ELF2: variants seen among roughly 807,000 people sequenced by gnomAD.
ELF2 encodes the protein E74 like ETS transcription factor 2.
A neutral mutation model predicts 54.8 loss-of-function variants in ELF2; 11 were observed. That is an observed-to-expected ratio of 0.20 (90% CI 0.13 to 0.33). The LOEUF (loss-of-function observed/expected upper bound fraction) is 0.33, where lower values mean the gene tolerates loss of function less well. ELF2 is among the 10% of genes least tolerant of loss of function. The pLI, the probability that ELF2 is intolerant of heterozygous loss-of-function variation, is 1.00. For missense variants in ELF2, 513 were observed against 703.0 expected (o/e 0.73, Z 3.06); for synonymous variants, 203 against 245.1 (o/e 0.83, Z 1.61).
chr4:139,129,191 G>T (rs1304346652), intron 3 of ELF2, among the ~76,000 whole-genome samples: 2 of 152,154 alleles, frequency 1.3e-5, no homozygotes, highest in Non-Finnish European at 2.9e-5. Flanking sequence ...GCCCGCCTCA[G>T]CCTCCCAAAG....
At chr4:139,165,875 A>G (rs1217035092) in intron 1 of ELF2, among the ~76,000 whole-genome samples, 2 of 152,206 alleles carry the variant, frequency 1.3e-5, no homozygotes, top group Non-Finnish European at 2.9e-5. Flanking sequence ...GAATATTCCA[A>G]AAGTATATAA....
chr4:139,097,162 C>A (rs1324240905), intron 4 of ELF2, among the ~76,000 whole-genome samples: 1 of 152,024 alleles, frequency 6.6e-6, no homozygotes, highest in Non-Finnish European at 1.5e-5. Flanking sequence ...AAGCGAAATT[C>A]CAAGTTTTTG....
In ELF2 at chr4:139,097,194, C is replaced by G. The variant is rs115443214; in HGVS notation, c.239-23627G>C. Among the ~76,000 whole-genome samples the G allele has an allele frequency of 6.1e-3, 925 of 152,142 alleles. 12 individuals are homozygous for G. The highest frequency in any genetic ancestry group is 0.021 in the African/African-American group (890 of 41,496). On this transcript the variant is annotated intron_variant, in intron 4 of 9. Coordinates refer to ENST00000686138, the MANE Select transcript of ELF2 (RefSeq NM_001331036.3). Reference sequence around the variant, plus strand: ...TTTGGTTTTTTTGTTTGTTTGTAGCCTCTGTCGCAGAGGCTGGAGAGTACA... The same window carrying G: ...TTTGGTTTTTTTGTTTGTTTGTAGCGTCTGTCGCAGAGGCTGGAGAGTACA...
chr4:139,151,032 A>AAAGAAAGAAAGAAAG (rs1553971301), intron 1 of ELF2, among the ~76,000 whole-genome samples: 27 of 102,522 alleles, frequency 2.6e-4, no homozygotes, highest in African/African-American at 6.6e-4. Flanking sequence ...TCAAAAAAAA[A>AAAGAAAGAAAGAAAG]AAAGAAAGAA....
rs1432244856 is a variant in ELF2, at chr4:139,125,054, C to T, written c.238+110G>A. The stretch of plus-strand genomic sequence containing the variant: ...ATGTTTCACTGGTTTCCAAGCTATA[C>T]TAAATAGCATTAAAAAGGTTTTTCA... On this transcript the variant is annotated intron_variant, in intron 4 of 9. Coordinates refer to ENST00000686138, the MANE Select transcript of ELF2 (RefSeq NM_001331036.3). 6 of 1,337,350 alleles carry T rather than the reference C, an allele frequency of 4.5e-6. No individual in the cohort carries two copies. The East Asian group carries it at 1.2e-4, about 26-fold the overall frequency. 82.8% of individuals were successfully genotyped at this position (1,337,350 alleles called of 1,614,324 possible).
At chr4:139,122,616 C>T (rs1344150959) in intron 4 of ELF2, among the ~76,000 whole-genome samples, 1 of 152,010 alleles carries the variant, frequency 6.6e-6, no homozygotes, top group Non-Finnish European at 1.5e-5. Context: ...AGTCTCCTGC[C>T]TCAGCCTCCC....
intron 4 of ELF2, among the ~76,000 whole-genome samples, chr4:139,083,165 G>A (rs1731386413): frequency 1.4e-5 from 2 of 147,630 alleles, no homozygotes; most frequent in South Asian, 2.3e-4. Flanking sequence ...AGGCGCTTCC[G>A]CTGTGGTGGG....
At position 139,114,642 on chromosome 4, in the gene ELF2, C is replaced by CTTTCT. The variant is rs1553963916; in HGVS notation, c.238+10521_238+10522insAGAAA. Reference sequence around the variant, plus strand: ...ACTGACATGGATTTTTTTTTTCTTTCTTTTTTTTTTTTTTTTTTGCACCAA... The same window carrying CTTTCT: ...ACTGACATGGATTTTTTTTTTCTTTCTTTCTTTTTTTTTTTTTTTTTTTGCACCAA... On this transcript the variant is annotated intron_variant, in intron 4 of 9. Transcript: ENST00000686138. 1.7e-3 allele frequency among the ~76,000 whole-genome samples: 183 copies of CTTTCT among 104,846 alleles called. 3 individuals are homozygous for CTTTCT. Among genetic ancestry groups the CTTTCT allele is most frequent in the African/African-American group, 6.1e-3 (166 of 27,100 alleles). 68.8% of individuals were successfully genotyped at this position (104,846 alleles called of 152,430 possible).
chr4:139,133,204 A>G (rs1415054971), intron 3 of ELF2, among the ~76,000 whole-genome samples: 2 of 152,160 alleles, frequency 1.3e-5, no homozygotes, highest in Non-Finnish European at 2.9e-5. Flanking sequence ...TACAGGCGTG[A>G]GCCACCACGC....
chr4:139,068,115 G>A (rs11737071), intron 6 of ELF2, among the ~76,000 whole-genome samples: 62,532 of 151,736 alleles, frequency 0.41, 13,376 homozygotes, highest in Middle Eastern at 0.5. Context: ...CTGCCTCCCG[G>A]GTTCAAGCAA....
At position 139,159,171 on chromosome 4, in the gene ELF2, G is replaced by A. The variant is rs138303611; in HGVS notation, c.-252+17796C>T. The stretch of plus-strand genomic sequence containing the variant: ...AGAGGCATGTGAGTAAAGTCAATTT[G>A]CCAGTCCTGGGCAGGGGCAAACCCC... On this transcript the variant is annotated intron_variant, in intron 1 of 9. Coordinates refer to ENST00000686138, the MANE Select transcript of ELF2 (RefSeq NM_001331036.3). Among the ~76,000 whole-genome samples, 1,474 of 152,274 alleles carry A rather than the reference G, an allele frequency of 9.7e-3. 11 individuals are homozygous for A. The highest frequency in any genetic ancestry group is 0.014 in the Non-Finnish European group (935 of 68,028).
chr4:139,175,854 A>C (rs1579005407), intron 1 of ELF2, among the ~76,000 whole-genome samples: 1 of 152,238 alleles, frequency 6.6e-6, no homozygotes, highest in East Asian at 1.9e-4. Flanking sequence ...CTAAACTTAA[A>C]GGCTATTCTG....
At chr4:139,161,018 CTG>C (rs1448977267) in intron 1 of ELF2, among the ~76,000 whole-genome samples, 3 of 152,106 alleles carry the variant, frequency 2.0e-5, no homozygotes, top group Non-Finnish European at 4.4e-5. Context: ...TAAGATCTCT[CTG>C]TGTGTGTCTC....
intron 1 of ELF2, among the ~76,000 whole-genome samples, chr4:139,142,413 TG>T (rs1560860496): frequency 2.0e-5 from 3 of 151,586 alleles, no homozygotes; most frequent in African/African-American, 4.9e-5. Flanking sequence ...AAAGAATAGT[TG>T]AAGAAGAGGA....
chr4:139,161,459 G>A (rs1218714070), intron 1 of ELF2, among the ~76,000 whole-genome samples: 2 of 151,958 alleles, frequency 1.3e-5, no homozygotes, highest in Admixed American at 6.6e-5. Context: ...TAATTTAATA[G>A]TGTTGATTTA....
In ELF2 at chr4:139,084,406, C is replaced by T. The variant is rs998918800; in HGVS notation, c.239-10839G>A. On this transcript the variant is annotated intron_variant, in intron 4 of 9. Transcript: ENST00000686138. ...GCCGCCGGGCTGAGAAACCCCACCA[C>T]CTAACGGCAGGGGCAGGGGCGGCAG... 11 of 1,400,642 alleles carry T rather than the reference C, an allele frequency of 7.9e-6. No individual in the cohort carries two copies. The African/African-American group carries it at 1.5e-4, about 19-fold the overall frequency. The allele number at this position is 1,400,642 out of a possible 1,614,324, so 86.8% of individuals were successfully genotyped here. A position where few individuals can be genotyped will look rare whatever the true frequency, so the allele number is the denominator to read the frequency against.
At chr4:139,152,891 C>CTTTTTTT (rs34208004) in intron 1 of ELF2, among the ~76,000 whole-genome samples, 3 of 104,044 alleles carry the variant, frequency 2.9e-5, no homozygotes, top group East Asian at 2.6e-4. Context: ...TAGTGTCATA[C>CTTTTTTT]TTTTTTTTTT....
In ELF2 at chr4:139,170,425, G is replaced by A. The variant is rs188904653; in HGVS notation, c.-252+6542C>T. Among the ~76,000 whole-genome samples the A allele has an allele frequency of 3.4e-4, 51 of 151,302 alleles. No individual in the cohort carries two copies. In the East Asian group the frequency reaches 3.9e-3, roughly 12 times the overall value. The stretch of plus-strand genomic sequence containing the variant: ...GCTACAGGTGCACACCACCACACCC[G>A]GCTAATTTTTGTATTTTTAGTAGAG... On this transcript the variant is annotated intron_variant, in intron 1 of 9. Transcript: ENST00000686138.
rs1333839030 is a variant in ELF2 at position 139,072,044 on chromosome 4, A to T, written c.353-5T>A. 1.9e-6 allele frequency: 3 copies of T among 1,600,694 alleles called. No homozygotes were observed. In the South Asian group the frequency reaches 3.4e-5, roughly 18 times the overall value. ...AAGGAGGAACAAACACTTCCACTAT[A>T]AAAAAAAGTTGAAAAATTAAAATTT... On this transcript the variant is annotated splice_region_variant and splice_polypyrimidine_tract_variant and intron_variant, in intron 5 of 9. Transcript: ENST00000686138.
Sources: gnomAD v4.1 joint callset for allele counts (sites outside exome capture counted in the v4.1 genomes callset) on GRCh38, gnomAD v4.1.1 for gene constraint, MANE v1.5 for transcripts, NCBI Gene and HGNC (gene_info 2026-07-23, HGNC 2026-07-21) for gene names.